Variants in EFL1 observed in about 807,000 individuals in gnomAD.
EFL1 encodes elongation factor-like GTPase 1.
In EFL1, 76 loss-of-function variants were observed where a neutral mutation model predicts 126.7. The observed-to-expected ratio is 0.60, with a 90% CI of 0.50 to 0.73. EFL1 has a LOEUF of 0.73. EFL1 is among the 30% of genes least tolerant of loss of function. The probability of loss-of-function intolerance (pLI) is 0.00; values close to 1 mark genes in which losing one functional copy is unlikely to be tolerated. For synonymous variants in EFL1, 410 were observed against 448.4 expected (o/e 0.91, Z 1.08); for missense variants, 1,128 against 1,343.2 (o/e 0.84, Z 2.50).
At chr15:82,218,615 TCA>T (rs1484911139) in intron 14 of EFL1, among the ~76,000 whole-genome samples, 3 of 152,200 alleles carry the variant, frequency 2.0e-5, no homozygotes, top group Non-Finnish European at 2.9e-5. Context: ...GCCAAGATAA[TCA>T]CAGATTACGT....
At position 82,261,711 on chromosome 15, in the gene EFL1, C is replaced by T. The variant is rs755152395; in HGVS notation, c.68G>A (p.Cys23Tyr). The change falls in exon 2 of 20, where the codon TGT (cysteine) becomes TAT (tyrosine). Residue 23 changes from cysteine to tyrosine, a missense_variant. By Grantham distance (194) the Cys-to-Tyr change is radical (BLOSUM62 -2). Transcript: ENST00000268206. ...ACCATGGTCAACATGAGCCAAAACACAAATATTCCTGATGTTGGCAGTGTT... is the reference window on the plus strand; with the variant it reads ...ACCATGGTCAACATGAGCCAAAACATAAATATTCCTGATGTTGGCAGTGTT... ...QKNTANIRNI[C>Y]VLAHVDHGKT... 5.6e-6 allele frequency: 9 copies of T among 1,613,900 alleles called. No homozygotes were observed. The highest frequency in any genetic ancestry group is 7.6e-6 in the Non-Finnish European group (9 of 1,180,012).
At chr15:82,164,024 T>C (rs774825330) in intron 15 of EFL1, 40 bp from the exon 16 acceptor site, 5 of 1,603,436 alleles carry the variant, frequency 3.1e-6, no homozygotes, top group South Asian at 1.1e-5. Flanking sequence ...TAAGGGATGA[T>C]AAATTCTGAA....
At chr15:82,199,881 T>C (rs1046926903) in intron 15 of EFL1, among the ~76,000 whole-genome samples, 2 of 152,228 alleles carry the variant, frequency 1.3e-5, no homozygotes, top group African/African-American at 2.4e-5. Flanking sequence ...ATTTCAAGTT[T>C]ATATAGAATA....
At chr15:82,133,426 T>C (rs2073681666) in intron 19 of EFL1, among the ~76,000 whole-genome samples, 1 of 152,232 alleles carries the variant, frequency 6.6e-6, no homozygotes, top group South Asian at 2.1e-4. Context: ...CCCTTTGCCA[T>C]GTTTGCAGAC....
chr15:82,174,609 G>A (rs1468846280), intron 15 of EFL1, among the ~76,000 whole-genome samples: 1 of 152,148 alleles, frequency 6.6e-6, no homozygotes, highest in Non-Finnish European at 1.5e-5. Flanking sequence ...GGTGCCTGGT[G>A]TCCACAGAGG....
intron 15 of EFL1, among the ~76,000 whole-genome samples, chr15:82,173,301 G>A (rs569850231): frequency 6.6e-6 from 1 of 152,174 alleles, no homozygotes; most frequent in South Asian, 2.1e-4. Flanking sequence ...AAAATATATT[G>A]CTGACACCTA....
intron 15 of EFL1, among the ~76,000 whole-genome samples, chr15:82,174,786 T>C (rs2074176875): frequency 6.6e-6 from 1 of 152,244 alleles, no homozygotes; most frequent in Non-Finnish European, 1.5e-5. Flanking sequence ...TGGAATTATA[T>C]GTGGGCCTGC....
At chr15:82,251,692 A>G (rs1447269232) in intron 4 of EFL1, among the ~76,000 whole-genome samples, 1 of 152,200 alleles carries the variant, frequency 6.6e-6, no homozygotes, top group Non-Finnish European at 1.5e-5. Context: ...TCATGTGCCT[A>G]AGAGCTTCAA....
intron 4 of EFL1, among the ~76,000 whole-genome samples, chr15:82,244,609 C>T (rs2141330673): frequency 6.6e-6 from 1 of 152,126 alleles, no homozygotes; most frequent in East Asian, 1.9e-4. Context: ...TTTTTATGTT[C>T]CAGGGGGCTG....
chr15:82,202,728 T>C (rs1365985427), intron 15 of EFL1, among the ~76,000 whole-genome samples: 1 of 152,146 alleles, frequency 6.6e-6, no homozygotes, highest in African/African-American at 2.4e-5. Flanking sequence ...AATTAAACAC[T>C]TTTTACCTCT....
intron 15 of EFL1, among the ~76,000 whole-genome samples, chr15:82,173,383 T>A (rs1397805571): frequency 6.6e-6 from 1 of 152,180 alleles, no homozygotes; most frequent in Non-Finnish European, 1.5e-5. Flanking sequence ...GTGGTACTGC[T>A]GAGGAATATG....
At chr15:82,140,907 G>A (rs966854375) in intron 18 of EFL1, among the ~76,000 whole-genome samples, 3 of 152,036 alleles carry the variant, frequency 2.0e-5, no homozygotes, top group Non-Finnish European at 4.4e-5. Context: ...TTTCTCCCAG[G>A]GTAGCCCATT....
At position 82,220,150 on chromosome 15, in the gene EFL1, C is replaced by T. The variant is rs2074695555; in HGVS notation, c.1372G>A (p.Gly458Arg). 1 of 1,613,674 alleles carries T rather than the reference C, an allele frequency of 6.2e-7. No individual in the cohort carries two copies. Among genetic ancestry groups the T allele is most frequent in the Admixed American group, 1.7e-5 (1 of 59,940 alleles). ...RHAEKLAAAQGQAPLEPTQDG... is the reference protein window; with the variant it reads ...RHAEKLAAAQRQAPLEPTQDG... ...TGGGTGGGCTCCAAGGGTGCCTGTCCCTGTGCTGCTGCAAGCTTCTCTGCA... is the reference window on the plus strand; with the variant it reads ...TGGGTGGGCTCCAAGGGTGCCTGTCTCTGTGCTGCTGCAAGCTTCTCTGCA... The change falls in exon 13 of 20, where the codon GGA becomes AGA. Residue 458 changes from glycine (G) to arginine (R), a missense_variant. By Grantham distance (125) the Gly-to-Arg change is moderately radical. Transcript: ENST00000268206.
Position 82,262,683 on chromosome 15 carries a change from C to T in EFL1, c.-89G>A. 3.4e-6 allele frequency: 2 copies of T among 582,032 alleles called. No individual in the cohort carries two copies. The highest frequency in any genetic ancestry group is 5.9e-6 in the Non-Finnish European group (2 of 340,996). 36.1% of individuals were successfully genotyped at this position (582,032 alleles called of 1,614,324 possible). A position where few individuals can be genotyped will look rare whatever the true frequency, so the allele number is the denominator to read the frequency against. ...ACCCACACCGAGAGCTTCCGAAAGT[C>T]CGAGAGCTCTGCGGGTCCGACACGC... On this transcript the variant is annotated 5_prime_UTR_variant, in exon 1 of 20. Transcript: ENST00000268206.
At chr15:82,181,216 T>C (rs567410470) in intron 15 of EFL1, among the ~76,000 whole-genome samples, 1 of 152,368 alleles carries the variant, frequency 6.6e-6, no homozygotes, top group South Asian at 2.1e-4. Flanking sequence ...ACTCAATATA[T>C]GGTTTTTCCT....
intron 15 of EFL1, among the ~76,000 whole-genome samples, chr15:82,196,416 A>C (rs545122586): frequency 6.6e-6 from 1 of 152,374 alleles, no homozygotes; most frequent in South Asian, 2.1e-4. Context: ...AGTATCAAAA[A>C]TCATTAGAGC....
At chr15:82,246,552 G>A (rs1410095249) in intron 4 of EFL1, among the ~76,000 whole-genome samples, 1 of 150,010 alleles carries the variant, frequency 6.7e-6, no homozygotes, top group African/African-American at 2.5e-5. Context: ...GGGGCTGAAA[G>A]AAGGATTTAT....
chr15:82,170,624 TAACA>T (rs1349583426), intron 15 of EFL1, among the ~76,000 whole-genome samples: 1 of 152,230 alleles, frequency 6.6e-6, no homozygotes, highest in Admixed American at 6.5e-5. Flanking sequence ...GTGGTGGTTC[TAACA>T]GTCAGAGTAG....
chr15:82,220,337 G>A, intron 12 of EFL1, 108 bp from the exon 13 acceptor site: 3 of 1,407,386 alleles, frequency 2.1e-6, no homozygotes, highest in Non-Finnish European at 1.9e-6. Flanking sequence ...CTCCATTCCA[G>A]GCAATTTTGT....
Sources: gnomAD v4.1 joint callset for allele counts (sites outside exome capture counted in the v4.1 genomes callset) on GRCh38, gnomAD v4.1.1 for gene constraint, MANE v1.5 for transcripts, NCBI Gene and HGNC (gene_info 2026-07-23, HGNC 2026-07-21) for gene names.